Variants in STXBP5L observed in about 807,000 individuals in gnomAD.
STXBP5L encodes the protein syntaxin binding protein 5L, also known as syntaxin-binding protein 5-like.
In STXBP5L, 65 loss-of-function variants were observed where a neutral mutation model predicts 144.5. That is an observed-to-expected ratio of 0.45 (90% CI 0.37 to 0.55). The LOEUF (loss-of-function observed/expected upper bound fraction) is 0.55. Ranked by LOEUF, STXBP5L falls within the 20% of genes least tolerant of loss-of-function variation. The pLI, the probability that STXBP5L is intolerant of heterozygous loss-of-function variation, is 0.00. For missense variants in STXBP5L, 1,298 were observed against 1,405.5 expected, an observed-to-expected ratio of 0.92 and a Z score of 1.22; for synonymous variants, 505 against 469.6, an observed-to-expected ratio of 1.08 and a Z score of -0.97.
intron 3 of STXBP5L, among the ~76,000 whole-genome samples, chr3:120,956,810 T>A (rs1381553366): frequency 6.6e-6 from 1 of 151,938 alleles, no homozygotes; most frequent in Non-Finnish European, 1.5e-5. Flanking sequence ...TGCCCTTTGA[T>A]GCAAATATTT....
intron 7 of STXBP5L, among the ~76,000 whole-genome samples, chr3:121,143,291 A>AT (rs1335401372): frequency 4.4e-5 from 6 of 137,112 alleles, no homozygotes; most frequent in African/African-American, 1.4e-4. Flanking sequence ...CAGTCCTTAA[A>AT]TTAAAAAAAA....
chr3:121,216,658 G>C (rs115307794), intron 10 of STXBP5L, among the ~76,000 whole-genome samples: 2,939 of 152,326 alleles, frequency 0.019, 89 homozygotes, highest in African/African-American at 0.066. Context: ...GGAGGCATGG[G>C]TGTCAAGGGC....
chr3:121,101,033 T>C (rs954273875), intron 5 of STXBP5L, among the ~76,000 whole-genome samples: 3 of 151,970 alleles, frequency 2.0e-5, no homozygotes, highest in African/African-American at 7.2e-5. Context: ...CTCCCAAGAA[T>C]GAATCAGGAA....
intron 7 of STXBP5L, among the ~76,000 whole-genome samples, chr3:121,129,826 AT>A (rs2044889101): frequency 6.6e-6 from 1 of 151,970 alleles, no homozygotes; most frequent in Non-Finnish European, 1.5e-5. Context: ...AACTCATAAG[AT>A]TCATGTTTCA....
At chr3:121,276,038 C>A (rs73191463) in intron 18 of STXBP5L, among the ~76,000 whole-genome samples, 5,384 of 151,072 alleles carry the variant, frequency 0.036, 143 homozygotes, top group Middle Eastern at 0.083. Context: ...CAAACATTTT[C>A]TAATTTGTTT....
At chr3:120,983,214 G>T (rs1941965578) in intron 3 of STXBP5L, among the ~76,000 whole-genome samples, 2 of 152,120 alleles carry the variant, frequency 1.3e-5, no homozygotes, top group Admixed American at 1.3e-4. Context: ...GGCGTCTGGG[G>T]TCTGGCCTCT....
intron 9 of STXBP5L, among the ~76,000 whole-genome samples, chr3:121,169,459 G>A (rs181489038): frequency 6.6e-6 from 1 of 152,136 alleles, no homozygotes; most frequent in Non-Finnish European, 1.5e-5. Flanking sequence ...CAGGTGCTAA[G>A]ATATACATAG....
intron 2 of STXBP5L, among the ~76,000 whole-genome samples, chr3:120,914,474 G>A (rs1365424693): frequency 6.6e-6 from 1 of 152,024 alleles, no homozygotes; most frequent in Non-Finnish European, 1.5e-5. Context: ...AGGTAAATAG[G>A]TATAGATCAG....
chr3:121,074,283 C>T (rs1427840137), intron 5 of STXBP5L, among the ~76,000 whole-genome samples: 1 of 152,184 alleles, frequency 6.6e-6, no homozygotes, highest in Non-Finnish European at 1.5e-5. Context: ...CACAGGAATT[C>T]ACCCAAGCAT....
intron 9 of STXBP5L, among the ~76,000 whole-genome samples, chr3:121,165,995 A>G (rs1242325312): frequency 6.6e-6 from 1 of 150,832 alleles, no homozygotes; most frequent in African/African-American, 2.4e-5. Flanking sequence ...TGTATTTTAG[A>G]CATATTAAGA....
At chr3:121,348,099 A>C (rs1052033400) in intron 20 of STXBP5L, among the ~76,000 whole-genome samples, 9 of 152,150 alleles carry the variant, frequency 5.9e-5, no homozygotes, top group Non-Finnish European at 1.2e-4. Context: ...TGGGTTTGTC[A>C]TAGATAGCTC....
At chr3:121,364,325 T>A (rs1486681137) in intron 20 of STXBP5L, among the ~76,000 whole-genome samples, 2 of 152,166 alleles carry the variant, frequency 1.3e-5, no homozygotes, top group African/African-American at 4.8e-5. Flanking sequence ...TCACTCCTTA[T>A]AACAGTACCA....
At position 121,202,059 on chromosome 3, in the gene STXBP5L, C is replaced by T. The variant is rs2048160452; in HGVS notation, c.878-3864C>T. On this transcript the variant is annotated intron_variant, in intron 9 of 26. Coordinates refer to ENST00000471454, the MANE Select transcript of STXBP5L (RefSeq NM_001308330.2). ...GAATCAGCCATTGTGCTCTGCTCTT[C>T]TTCTCCTTTTTTTGTCCAATTTTTT... 1.3e-5 allele frequency among the ~76,000 whole-genome samples: 2 copies of T among 152,038 alleles called. 1 individual carries two copies. The highest frequency in any genetic ancestry group is 4.1e-4 in the South Asian group (2 of 4,820).
intron 19 of STXBP5L, among the ~76,000 whole-genome samples, chr3:121,285,498 T>C (rs1424727578): frequency 6.6e-6 from 1 of 152,080 alleles, no homozygotes; most frequent in Non-Finnish European, 1.5e-5. Context: ...AATGACTCTT[T>C]TACTGGTCAC....
At chr3:120,963,717 A>G (rs1939174257) in intron 3 of STXBP5L, among the ~76,000 whole-genome samples, 1 of 152,210 alleles carries the variant, frequency 6.6e-6, no homozygotes, top group Admixed American at 6.5e-5. Context: ...CATCAGGGAT[A>G]GTGGTCTAAA....
intron 3 of STXBP5L, among the ~76,000 whole-genome samples, chr3:120,984,481 A>G: frequency 6.7e-6 from 1 of 150,352 alleles, no homozygotes; most frequent in Non-Finnish European, 1.5e-5. Flanking sequence ...GTGTCCTACT[A>G]TTTTGCTCAA....
At chr3:121,083,012 A>G (rs1489878226) in intron 5 of STXBP5L, among the ~76,000 whole-genome samples, 4 of 152,114 alleles carry the variant, frequency 2.6e-5, no homozygotes, top group South Asian at 2.1e-4. Flanking sequence ...CCTGGCCAAC[A>G]TGGTGAAACC....
In STXBP5L at chr3:121,423,447, G is replaced by A. The variant is rs979633998; in HGVS notation, c.*4350G>A. 1 of 152,236 alleles carries A rather than the reference G, an allele frequency of 6.6e-6. No homozygotes were observed. Among genetic ancestry groups the A allele is most frequent in the Middle Eastern group, 3.2e-3 (1 of 316 alleles). The allele number at this position is 152,236 out of a possible 1,614,324, so 9.4% of individuals were successfully genotyped here. On this transcript the variant is annotated 3_prime_UTR_variant, in exon 27 of 27. Transcript: ENST00000471454. ...AGGTAAGGTCTGTCTTAGAAAAGGA[G>A]GAGGAAGTACCAATTTGGTGCAAGA...
Position 121,245,605 on chromosome 3 carries a change from A to G in STXBP5L, c.1400+5098A>G, listed in dbSNP as rs768731166. ...ATAGGTTGAAAGTGAAAGGATAGAAAAAGATGTACCATGCAAATTGTAACC... is the reference window on the plus strand; with the variant it reads ...ATAGGTTGAAAGTGAAAGGATAGAAGAAGATGTACCATGCAAATTGTAACC... On this transcript the variant is annotated intron_variant, in intron 14 of 26. Transcript: ENST00000471454. 5.3e-5 allele frequency among the ~76,000 whole-genome samples: 8 copies of G among 152,144 alleles called. No individual in the cohort carries two copies. The East Asian group carries it at 7.7e-4, about 15-fold the overall frequency.
Sources: allele counts gnomAD v4.1 joint callset (sites outside exome capture counted in the v4.1 genomes callset), GRCh38; gene constraint gnomAD v4.1.1; transcripts MANE v1.5; gene names NCBI Gene and HGNC (gene_info 2026-07-23, HGNC 2026-07-21).